ARK2N: variants seen among roughly 807,000 people sequenced by gnomAD.
The protein encoded by ARK2N is protein ARK2N.
the ARK2N span, chr18:46,174,263 T>C: frequency 6.6e-6 from 1 of 150,600 alleles, no homozygotes; most frequent in Non-Finnish European, 1.5e-5. Context: ...CGGCCGGGGG[T>C]TCGGTGCGTG....
chr18:46,254,185 A>G, the ARK2N span, among the ~76,000 whole-genome samples: 3 of 152,224 alleles, frequency 2.0e-5, no homozygotes, highest in African/African-American at 7.2e-5. Context: ...TTACCTGGAA[A>G]TATACTAGGA....
chr18:46,244,267 T>G, the ARK2N span, among the ~76,000 whole-genome samples: 1 of 152,140 alleles, frequency 6.6e-6, no homozygotes, highest in Admixed American at 6.5e-5. Flanking sequence ...GAAGTCTTGG[T>G]GAGGAAGGCT....
chr18:46,183,376 GT>G, the ARK2N span, among the ~76,000 whole-genome samples: 1 of 152,128 alleles, frequency 6.6e-6, no homozygotes, highest in Non-Finnish European at 1.5e-5. Flanking sequence ...TGATCAGATT[GT>G]TTCTATAATA....
the ARK2N span, among the ~76,000 whole-genome samples, chr18:46,191,348 A>ATT: frequency 6.6e-6 from 1 of 151,338 alleles, no homozygotes; most frequent in South Asian, 2.1e-4. Flanking sequence ...TTGTTTATTT[A>ATT]ATTTTTTTTT....
chr18:46,226,189 A>G, the ARK2N span, among the ~76,000 whole-genome samples: 1 of 152,252 alleles, frequency 6.6e-6, no homozygotes, highest in Non-Finnish European at 1.5e-5. Flanking sequence ...TGTATGCAGG[A>G]AGAACACAAT....
At chr18:46,182,647 G>A in the ARK2N span, among the ~76,000 whole-genome samples, 1 of 144,232 alleles carries the variant, frequency 6.9e-6, no homozygotes, top group Non-Finnish European at 1.5e-5. Flanking sequence ...CACTGATGAT[G>A]CTTTTGAGTA....
At chr18:46,227,064 C>G in the ARK2N span, among the ~76,000 whole-genome samples, 2 of 152,172 alleles carry the variant, frequency 1.3e-5, no homozygotes, top group African/African-American at 4.8e-5. Flanking sequence ...CCACCTCCAC[C>G]TCCCAAAGTG....
the ARK2N span, chr18:46,263,139 T>C: frequency 4.5e-6 from 7 of 1,567,446 alleles, no homozygotes; most frequent in East Asian, 1.4e-4. Context: ...CTGTGTTTCC[T>C]CTGCACTGTT....
the ARK2N span, among the ~76,000 whole-genome samples, chr18:46,185,846 G>T: frequency 2.0e-5 from 3 of 151,968 alleles, no homozygotes; most frequent in Non-Finnish European, 4.4e-5. Context: ...AATTAGCTGG[G>T]CTTGCTGGCT....
At chr18:46,177,544 A>G in the ARK2N span, among the ~76,000 whole-genome samples, 12 of 144,526 alleles carry the variant, frequency 8.3e-5, no homozygotes, top group African/African-American at 2.6e-4. Context: ...TGATTCTTCC[A>G]TGTCAGCCTC....
chr18:46,250,211 A>T, the ARK2N span, among the ~76,000 whole-genome samples: 1 of 152,018 alleles, frequency 6.6e-6, no homozygotes. Flanking sequence ...AGTTTCACTC[A>T]TTTATGAAAC....
chr18:46,231,395 T>C, the ARK2N span, among the ~76,000 whole-genome samples: 3 of 152,186 alleles, frequency 2.0e-5, no homozygotes, highest in Non-Finnish European at 4.4e-5. Context: ...TGGAGGCAGA[T>C]AACTGTACAG....
chr18:46,210,523 G>A, the ARK2N span, among the ~76,000 whole-genome samples: 10 of 152,144 alleles, frequency 6.6e-5, no homozygotes, highest in Non-Finnish European at 1.0e-4. Context: ...TGTCAACTGG[G>A]TATTTGGGTG....
chr18:46,266,042 T>G, the ARK2N span: 1 of 152,238 alleles, frequency 6.6e-6, no homozygotes, highest in African/African-American at 2.4e-5. Context: ...ATTTTGATGG[T>G]AGGGGCCAGA....
At chr18:46,242,446 A>G in the ARK2N span, among the ~76,000 whole-genome samples, 10 of 152,220 alleles carry the variant, frequency 6.6e-5, no homozygotes, top group Non-Finnish European at 1.0e-4. Context: ...TCACATTTTC[A>G]GATTCAAGTA....
At chr18:46,244,883 G>T in the ARK2N span, among the ~76,000 whole-genome samples, 1 of 151,980 alleles carries the variant, frequency 6.6e-6, no homozygotes, top group African/African-American at 2.4e-5. Flanking sequence ...TTACAGGCAT[G>T]AGCCACCACA....
chr18:46,264,072 T>C, the ARK2N span: 1 of 152,434 alleles, frequency 6.6e-6, no homozygotes, highest in Non-Finnish European at 1.5e-5. Context: ...TAGCAACAAC[T>C]GTTTAACATC....
At chr18:46,177,219 G>A in the ARK2N span, among the ~76,000 whole-genome samples, 1 of 152,032 alleles carries the variant, frequency 6.6e-6, no homozygotes, top group Admixed American at 6.6e-5. Flanking sequence ...ACTATAAAAG[G>A]GGAGAGCTAT....
At chr18:46,253,362 T>C in the ARK2N span, among the ~76,000 whole-genome samples, 1 of 152,190 alleles carries the variant, frequency 6.6e-6, no homozygotes, top group South Asian at 2.1e-4. Context: ...GCATAAAATA[T>C]ATAGAGTTTG....
Sources: gnomAD v4.1 joint callset for allele counts (sites outside exome capture counted in the v4.1 genomes callset) on GRCh38, gnomAD v4.1.1 for gene constraint, MANE v1.5 for transcripts, NCBI Gene and HGNC (gene_info 2026-07-23, HGNC 2026-07-21) for gene names.